MYH7B: variants seen among roughly 807,000 people sequenced by gnomAD.
MYH7B encodes myosin heavy chain 7B.
MYH7B carries 205 observed loss-of-function variants against 234.5 expected under a neutral mutation model. The observed-to-expected ratio is 0.87, with a 90% CI of 0.78 to 0.98. The LOEUF (loss-of-function observed/expected upper bound fraction) is 0.98, where lower values mean the gene tolerates loss of function less well. Among genes scored for constraint, MYH7B ranks in the 50% least tolerant of loss-of-function variants. The pLI is 0.00. For missense variants in MYH7B, 2,652 were observed against 2,633.4 expected (o/e 1.01, Z -0.15); for synonymous variants, 1,193 against 1,105.0 (o/e 1.08, Z -1.58).
At chr20:34,965,222 G>A (rs2081731681) in intron 2 of MYH7B, among the ~76,000 whole-genome samples, 1 of 152,196 alleles carries the variant, frequency 6.6e-6, no homozygotes, top group African/African-American at 2.4e-5. Flanking sequence ...GGAATCAGAA[G>A]ATCAAAGAGA....
At chr20:34,972,739 C>T (rs983281869) in intron 2 of MYH7B, among the ~76,000 whole-genome samples, 1 of 152,136 alleles carries the variant, frequency 6.6e-6, no homozygotes, top group African/African-American at 2.4e-5. Context: ...AAGCAATCCT[C>T]TCGCCTCTCA....
exon 45 of MYH7B, chr20:35,002,283 T>A: frequency 7.1e-7 from 1 of 1,398,604 alleles, no homozygotes; most frequent in Non-Finnish European, 9.6e-7. Context: ...CATCGCCCCC[T>A]GCTGCCTTCA....
At chr20:34,993,070 C>A (rs373857220) in intron 24 of MYH7B, 32 bp from the exon 25 acceptor site, 9 of 1,598,238 alleles carry the variant, frequency 5.6e-6, no homozygotes, top group Admixed American at 5.0e-5. Context: ...ATACCCAGCC[C>A]TCTCCTGACC....
chr20:34,992,520 T>C (rs1361981365), intron 24 of MYH7B, among the ~76,000 whole-genome samples: 1 of 150,956 alleles, frequency 6.6e-6, no homozygotes, highest in Non-Finnish European at 1.5e-5. Context: ...AAAGCCTCTT[T>C]AAAAACTTAA....
At chr20:34,984,200 CAATG>C (rs761213702) in intron 10 of MYH7B, among the ~76,000 whole-genome samples, 3 of 152,206 alleles carry the variant, frequency 2.0e-5, no homozygotes, top group Admixed American at 1.3e-4. Context: ...GGCAGACAAA[CAATG>C]AAGACACACC....
At chr20:34,989,247 C>T (rs1239073092) in intron 19 of MYH7B, among the ~76,000 whole-genome samples, 1 of 152,230 alleles carries the variant, frequency 6.6e-6, no homozygotes, top group Non-Finnish European at 1.5e-5. Flanking sequence ...CAGTCCCCTA[C>T]AGCTGGGCGT....
exon 31 of MYH7B, chr20:34,997,156 A>G: frequency 1.3e-6 from 2 of 1,549,790 alleles, no homozygotes; most frequent in Non-Finnish European, 1.7e-6. Context: ...GATGCAGAAG[A>G]AGATCAAGGA....
chr20:34,997,263 G>T lies in MYH7B; in HGVS notation c.3370G>T (p.Glu1124Ter). 1 of 1,558,876 alleles carries T rather than the reference G, an allele frequency of 6.4e-7. No individual in the cohort carries two copies. The highest frequency in any genetic ancestry group is 1.2e-5 in the South Asian group (1 of 84,704). Residue 1124 changes from glutamate (E) to a stop codon, truncating the protein, a stop_gained, in exon 32 of 45, where the codon GAG (glutamate) becomes TAG (stop). Transcript: ENST00000262873. LOFTEE classifies it high-confidence loss of function. ...GTGCCCACCCCAGGCTCGGGCGGAG[G>T]AGCTGGAAGAGGAGCTGGAGGCAGA...
At chr20:34,995,305 C>A (rs750653321) in intron 27 of MYH7B, 31 bp from the exon 28 acceptor site, 3 of 1,599,444 alleles carry the variant, frequency 1.9e-6, no homozygotes, top group Non-Finnish European at 1.7e-6. Context: ...TGGCCCTCCC[C>A]CAACCTGGCC....
At chr20:34,971,796 AAAAT>A (rs1366858189) in intron 2 of MYH7B, among the ~76,000 whole-genome samples, 5 of 152,214 alleles carry the variant, frequency 3.3e-5, no homozygotes, top group African/African-American at 7.2e-5. Context: ...TTTGATGCAA[AAAAT>A]AAATAAATAA....
At chr20:34,990,916 T>A in intron 23 of MYH7B, 88 bp from the exon 24 acceptor site, 10 of 1,564,070 alleles carry the variant, frequency 6.4e-6, no homozygotes, top group Non-Finnish European at 8.8e-6. Context: ...ATCTTCCCCC[T>A]CACCTCGCAG....
intron 28 of MYH7B, among the ~76,000 whole-genome samples, chr20:34,995,914 G>A (rs73095129): frequency 0.023 from 3,550 of 152,344 alleles, 70 homozygotes; most frequent in Middle Eastern, 0.061. Flanking sequence ...TCGGCATCCC[G>A]CAGGTGACTT....
At chr20:34,973,128 C>G (rs1004278818) in intron 2 of MYH7B, among the ~76,000 whole-genome samples, 2 of 152,198 alleles carry the variant, frequency 1.3e-5, no homozygotes, top group African/African-American at 4.8e-5. Flanking sequence ...GCCCTTCACA[C>G]TCCAGTCCCA....
At chr20:35,001,375 G>A (rs2082377498) in intron 42 of MYH7B, 26 bp downstream of exon 42, 2 of 1,598,820 alleles carry the variant, frequency 1.3e-6, no homozygotes, top group Non-Finnish European at 1.7e-6. Context: ...TCCCTGGGGA[G>A]TGGCCCTGGA....
intron 2 of MYH7B, among the ~76,000 whole-genome samples, chr20:34,959,769 G>A (rs906840945): frequency 1.1e-4 from 16 of 152,160 alleles, no homozygotes; most frequent in Admixed American, 6.5e-4. Context: ...GAGCCACCGC[G>A]CCTGGCTTTC....
Position 35,001,319 on chromosome 20 carries a change from T to C in MYH7B, c.5550T>C (p.His1850=), listed in dbSNP as rs754332817. 15 of 1,611,984 alleles carry C rather than the reference T, an allele frequency of 9.3e-6. No homozygotes were observed. The East Asian group carries it at 1.8e-4, about 19-fold the overall frequency. ...AGGCCCTTAAGGGCGTGCGCAAGCATGAGCGCCGTGTCAAGGAGCTCGCAT... is the reference window on the plus strand; with the variant it reads ...AGGCCCTTAAGGGCGTGCGCAAGCACGAGCGCCGTGTCAAGGAGCTCGCAT... Residue 1850 remains histidine (H), a synonymous_variant, in exon 42 of 45, where the codon CAT becomes CAC. Coordinates refer to ENST00000262873, the Ensembl canonical transcript of MYH7B.
At chr20:34,995,142 C>T (rs2082229829) in intron 27 of MYH7B, among the ~76,000 whole-genome samples, 194 bp from the exon 28 acceptor site, 2 of 152,256 alleles carry the variant, frequency 1.3e-5, no homozygotes, top group African/African-American at 4.8e-5. Flanking sequence ...TAACTTTCCC[C>T]TCTTAATGCT....
intron 19 of MYH7B, among the ~76,000 whole-genome samples, chr20:34,989,456 A>G (rs961775078): frequency 6.6e-6 from 1 of 152,060 alleles, no homozygotes; most frequent in South Asian, 2.1e-4. Context: ...GGCGGGGGTG[A>G]GAGTGGGTAC....
Position 34,990,729 on chromosome 20 carries a change from C to T in MYH7B, c.1978-9C>T, listed in dbSNP as rs199907684. 7.2e-5 allele frequency: 116 copies of T among 1,614,018 alleles called. No individual in the cohort carries two copies. The African/African-American group carries it at 1.5e-3, about 21-fold the overall frequency. Reference sequence around the variant, plus strand: ...TTTGTGCCTTTCCCTCACTCTTCCCCACTGCCAGGAGAACCTCAACAAGCT... The same window carrying T: ...TTTGTGCCTTTCCCTCACTCTTCCCTACTGCCAGGAGAACCTCAACAAGCT... On this transcript the variant is annotated splice_polypyrimidine_tract_variant and intron_variant, in intron 22 of 44. Transcript: ENST00000262873.
Sources: gnomAD v4.1 joint callset for allele counts (sites outside exome capture counted in the v4.1 genomes callset) on GRCh38, gnomAD v4.1.1 for gene constraint, MANE v1.5 for transcripts, NCBI Gene and HGNC (gene_info 2026-07-23, HGNC 2026-07-21) for gene names.